The following SLIT3 variants were observed in gnomAD, a reference collection of about 807,000 sequenced individuals.
SLIT3 encodes the protein slit homolog 3 protein.
In SLIT3, 68 loss-of-function variants were observed where a neutral mutation model predicts 184.0. The observed-to-expected ratio is 0.37, with a 90% CI of 0.30 to 0.45. The LOEUF (loss-of-function observed/expected upper bound fraction) is 0.45. Among genes scored for constraint, SLIT3 ranks in the 20% least tolerant of loss-of-function variants. The probability of loss-of-function intolerance (pLI) is 1.00; values close to 1 mark genes in which losing one functional copy is unlikely to be tolerated. For synonymous variants in SLIT3, 831 were observed against 828.6 expected, an observed-to-expected ratio of 1.00 and a Z score of -0.05; for missense variants, 1,707 against 2,026.0, an observed-to-expected ratio of 0.84 and a Z score of 3.02.
At chr5:169,112,639 C>A (rs889765252) in intron 4 of SLIT3, among the ~76,000 whole-genome samples, 2 of 136,800 alleles carry the variant, frequency 1.5e-5, no homozygotes, top group African/African-American at 6.4e-5. Context: ...TGCTCTTCAC[C>A]CTCTACCCTT....
chr5:169,254,336 G>C (rs1765876177), intron 1 of SLIT3, among the ~76,000 whole-genome samples: 2 of 152,094 alleles, frequency 1.3e-5, no homozygotes, highest in South Asian at 4.1e-4. Context: ...CTTCAGCTCT[G>C]GCCTCAAGGG....
intron 5 of SLIT3, among the ~76,000 whole-genome samples, chr5:168,872,104 G>A (rs536261382): frequency 6.6e-6 from 1 of 152,282 alleles, no homozygotes; most frequent in African/African-American, 2.4e-5. Context: ...TTTGACACAT[G>A]GGAGTCACTT....
rs551478526 is a variant in SLIT3, at chr5:169,274,721, G to C, written c.198-23262C>G. Among the ~76,000 whole-genome samples, 59 of 152,312 alleles carry C rather than the reference G, an allele frequency of 3.9e-4. No individual in the cohort carries two copies. The South Asian group carries it at 8.7e-3, about 22-fold the overall frequency. ...GTGGTGAGAAAACATCTCCAATCTTGACACTGGCATCTTCCTGGCTCAGCC... is the reference window on the plus strand; with the variant it reads ...GTGGTGAGAAAACATCTCCAATCTTCACACTGGCATCTTCCTGGCTCAGCC... On this transcript the variant is annotated intron_variant, in intron 1 of 35. Coordinates refer to ENST00000519560, the MANE Select transcript of SLIT3 (RefSeq NM_003062.4).
chr5:168,793,229 C>G (rs1033006917), intron 10 of SLIT3, among the ~76,000 whole-genome samples: 2 of 151,442 alleles, frequency 1.3e-5, no homozygotes, highest in Non-Finnish European at 2.9e-5. Context: ...TCTTTTTTTT[C>G]TCTCCCCCCT....
intron 4 of SLIT3, among the ~76,000 whole-genome samples, chr5:168,913,473 T>TA: frequency 6.6e-6 from 1 of 152,032 alleles, no homozygotes; most frequent in Non-Finnish European, 1.5e-5. Context: ...GCCCATGATT[T>TA]AAAAAATAAT....
At chr5:169,006,417 G>T (rs982509116) in intron 4 of SLIT3, among the ~76,000 whole-genome samples, 4 of 152,138 alleles carry the variant, frequency 2.6e-5, no homozygotes, top group African/African-American at 9.7e-5. Context: ...GTGGAGCCAT[G>T]AGGAATCTAC....
chr5:168,757,832 A>G lies in SLIT3; in HGVS notation c.1685+3030T>C, dbSNP rs537572443. 7.9e-5 allele frequency among the ~76,000 whole-genome samples: 12 copies of G among 152,306 alleles called. No individual in the cohort carries two copies. The South Asian group carries it at 2.5e-3, about 32-fold the overall frequency. On this transcript the variant is annotated intron_variant, in intron 16 of 35. Coordinates refer to ENST00000519560, the MANE Select transcript of SLIT3 (RefSeq NM_003062.4). Reference sequence around the variant, plus strand: ...ACCCTGTCTCCCCAGTACCACAGCCATGTCTTTCATCTTTATTTCCTCATA... The same window carrying G: ...ACCCTGTCTCCCCAGTACCACAGCCGTGTCTTTCATCTTTATTTCCTCATA...
chr5:168,744,991 T>C lies in SLIT3; in HGVS notation c.2270+3311A>G, dbSNP rs1388615968. 2.0e-5 allele frequency among the ~76,000 whole-genome samples: 3 copies of C among 152,240 alleles called. No homozygotes were observed. In the East Asian group the frequency reaches 5.8e-4, roughly 29 times the overall value. On this transcript the variant is annotated intron_variant, in intron 20 of 35. Coordinates refer to ENST00000519560, the MANE Select transcript of SLIT3 (RefSeq NM_003062.4). ...ATTCCTCTGATGGATTTGGGCAAAGTAAACTGAAAAGCTTTTGGAAAGGAT... is the reference window on the plus strand; with the variant it reads ...ATTCCTCTGATGGATTTGGGCAAAGCAAACTGAAAAGCTTTTGGAAAGGAT...
chr5:168,688,107 C>T (rs975637745), intron 29 of SLIT3, among the ~76,000 whole-genome samples: 1 of 152,224 alleles, frequency 6.6e-6, no homozygotes, highest in African/African-American at 2.4e-5. Context: ...AGCATAGAAA[C>T]ACACCTGAAT....
At chr5:168,934,510 G>C (rs568454014) in intron 4 of SLIT3, among the ~76,000 whole-genome samples, 1 of 152,310 alleles carries the variant, frequency 6.6e-6, no homozygotes, top group South Asian at 2.1e-4. Context: ...TCTGCCTTCT[G>C]TGGATGTCAG....
rs550362987 is a variant in SLIT3 at position 169,135,091 on chromosome 5, C to G, written c.413+58388G>C. ...CCCCTCTAACAAATGAGAGGGTGGA[C>G]TTGATCAGTGTGTTTTGTTTGTTTG... On this transcript the variant is annotated intron_variant, in intron 4 of 35. Transcript: ENST00000519560. 7.6e-4 allele frequency among the ~76,000 whole-genome samples: 115 copies of G among 152,270 alleles called. 1 individual carries two copies. The highest frequency in any genetic ancestry group is 2.6e-3 in the African/African-American group (109 of 41,554).
At chr5:168,795,747 G>A (rs112774566) in intron 9 of SLIT3, among the ~76,000 whole-genome samples, 169 bp from the exon 10 acceptor site, 29 of 152,252 alleles carry the variant, frequency 1.9e-4, no homozygotes, top group African/African-American at 6.5e-4. Context: ...GAGAACTCAG[G>A]TCCTAGTACA....
At position 169,263,959 on chromosome 5, in the gene SLIT3, G is replaced by A. The variant is rs527851142; in HGVS notation, c.198-12500C>T. Among the ~76,000 whole-genome samples the A allele has an allele frequency of 8.0e-5, 12 of 149,790 alleles. No homozygotes were observed. In the East Asian group the frequency reaches 2.1e-3, roughly 26 times the overall value. On this transcript the variant is annotated intron_variant, in intron 1 of 35. Coordinates refer to ENST00000519560, the MANE Select transcript of SLIT3 (RefSeq NM_003062.4). ...AAATGTACACTAGGTTTCTCGGGGT[G>A]GAGAAACGGGGTTTTTTTTTTTTAA...
intron 4 of SLIT3, among the ~76,000 whole-genome samples, chr5:169,068,555 G>A (rs984476932): frequency 1.3e-5 from 2 of 152,170 alleles, no homozygotes; most frequent in Non-Finnish European, 2.9e-5. Context: ...AAAGCAAAGA[G>A]AGAAAATTTC....
chr5:169,193,293 G>T (rs1763618802), intron 4 of SLIT3, among the ~76,000 whole-genome samples, 186 bp downstream of exon 4: 1 of 152,174 alleles, frequency 6.6e-6, no homozygotes, highest in Non-Finnish European at 1.5e-5. Context: ...TCTGAGAGAA[G>T]GAGCAAGAAG....
intron 4 of SLIT3, among the ~76,000 whole-genome samples, chr5:168,965,234 A>G (rs934375324): frequency 1.3e-5 from 2 of 152,366 alleles, no homozygotes. Context: ...TATTGGAAGA[A>G]AAAATGGTTA....
intron 4 of SLIT3, among the ~76,000 whole-genome samples, chr5:168,982,652 G>A (rs1209176731): frequency 6.6e-6 from 1 of 152,106 alleles, no homozygotes; most frequent in Non-Finnish European, 1.5e-5. Context: ...ACACATAATT[G>A]GAGAAGCACT....
chr5:169,100,734 C>T (rs1192800501), intron 4 of SLIT3, among the ~76,000 whole-genome samples: 3 of 152,192 alleles, frequency 2.0e-5, no homozygotes, highest in African/African-American at 7.2e-5. Context: ...TTCCATCCTC[C>T]AGTGATCCTG....
chr5:168,958,431 A>G (rs1396017243), intron 4 of SLIT3, among the ~76,000 whole-genome samples: 1 of 152,222 alleles, frequency 6.6e-6, no homozygotes, highest in Non-Finnish European at 1.5e-5. Flanking sequence ...CAGGTTTTAT[A>G]TGCATTCTCT....
Sources: gnomAD v4.1 joint callset for allele counts (sites outside exome capture counted in the v4.1 genomes callset) on GRCh38, gnomAD v4.1.1 for gene constraint, MANE v1.5 for transcripts, NCBI Gene and HGNC (gene_info 2026-07-23, HGNC 2026-07-21) for gene names.